Variants in SPOCK3 observed in about 807,000 individuals in gnomAD.
The protein encoded by SPOCK3 is testican-3.
SPOCK3 carries 30 observed loss-of-function variants against 56.6 expected under a neutral mutation model. That is an observed-to-expected ratio of 0.53 (90% CI 0.40 to 0.72). The LOEUF (loss-of-function observed/expected upper bound fraction) is 0.72, where lower values mean the gene tolerates loss of function less well. SPOCK3 is among the 30% of genes least tolerant of loss of function. SPOCK3 has a pLI of 0.00. For synonymous variants in SPOCK3, 196 were observed against 183.3 expected, an observed-to-expected ratio of 1.07 and a Z score of -0.56; for missense variants, 527 against 530.0, an observed-to-expected ratio of 0.99 and a Z score of 0.06.
At chr4:167,060,215 T>C (rs1211589363) in intron 3 of SPOCK3, among the ~76,000 whole-genome samples, 1 of 146,200 alleles carries the variant, frequency 6.8e-6, no homozygotes, top group African/African-American at 2.5e-5. Flanking sequence ...TATTCAGCCA[T>C]AAAAAGAATG....
At chr4:167,224,007 T>C (rs1351609058) in intron 2 of SPOCK3, among the ~76,000 whole-genome samples, 1 of 152,110 alleles carries the variant, frequency 6.6e-6, no homozygotes, top group East Asian at 1.9e-4. Flanking sequence ...GAGTACCCTA[T>C]TCATATATAA....
chr4:167,001,634 G>A lies in SPOCK3; in HGVS notation c.236-1171C>T, dbSNP rs552994522. Reference sequence around the variant, plus strand: ...CAGTGACACTTTGTTGTAATTTATTGTTGGGGGCAGACCAGAGGAGGAGTT... The same window carrying A: ...CAGTGACACTTTGTTGTAATTTATTATTGGGGGCAGACCAGAGGAGGAGTT... On this transcript the variant is annotated intron_variant, in intron 3 of 10. Transcript: ENST00000357545. 3.9e-5 allele frequency among the ~76,000 whole-genome samples: 6 copies of A among 152,156 alleles called. No homozygotes were observed. The South Asian group carries it at 1.2e-3, about 32-fold the overall frequency.
chr4:166,836,672 T>C (rs1422869781), intron 6 of SPOCK3, among the ~76,000 whole-genome samples: 1 of 152,202 alleles, frequency 6.6e-6, no homozygotes, highest in African/African-American at 2.4e-5. Context: ...TGGATTTCTG[T>C]TGAACCTGGC....
At chr4:166,943,360 T>C (rs1039572132) in intron 4 of SPOCK3, among the ~76,000 whole-genome samples, 2 of 152,176 alleles carry the variant, frequency 1.3e-5, no homozygotes, top group African/African-American at 4.8e-5. Flanking sequence ...CATTGAGCCA[T>C]GCATATCTTC....
intron 3 of SPOCK3, among the ~76,000 whole-genome samples, chr4:167,050,950 T>A (rs1350026243): frequency 6.6e-6 from 1 of 152,106 alleles, no homozygotes; most frequent in Non-Finnish European, 1.5e-5. Flanking sequence ...TCATACCCAA[T>A]AAACTGAAGA....
rs62352350 is a variant in SPOCK3 at position 166,928,869 on chromosome 4, G to A, written c.351-16126C>T. ...CGAAATCCCAGCTACTCAGGAGACT[G>A]AGGCAGGAGAATCGCTTGAACTCAG... On this transcript the variant is annotated intron_variant, in intron 4 of 10. Coordinates refer to ENST00000357545, the MANE Select transcript of SPOCK3 (RefSeq NM_001040159.2). Among the ~76,000 whole-genome samples, 512 of 152,264 alleles carry A rather than the reference G, an allele frequency of 3.4e-3. 1 individual carries two copies. The highest frequency in any genetic ancestry group is 6.8e-3 in the Middle Eastern group (2 of 294).
intron 2 of SPOCK3, among the ~76,000 whole-genome samples, chr4:167,071,044 T>C (rs902253255): frequency 4.6e-5 from 7 of 151,862 alleles, no homozygotes; most frequent in African/African-American, 1.7e-4. Context: ...ATAAAATAAA[T>C]AGTGTCAAAA....
intron 6 of SPOCK3, among the ~76,000 whole-genome samples, chr4:166,873,207 T>TAAA (rs901690340): frequency 9.2e-5 from 12 of 130,194 alleles, no homozygotes; most frequent in African/African-American, 3.1e-4. Flanking sequence ...ATGAAGAAGT[T>TAAA]AAAAAAAAAA....
intron 2 of SPOCK3, among the ~76,000 whole-genome samples, chr4:167,085,911 G>A (rs1344662679): frequency 6.6e-6 from 1 of 151,970 alleles, no homozygotes; most frequent in Non-Finnish European, 1.5e-5. Context: ...TATATTATGG[G>A]TACTTAATAA....
At chr4:167,043,715 T>C (rs1034010133) in intron 3 of SPOCK3, among the ~76,000 whole-genome samples, 21 of 152,010 alleles carry the variant, frequency 1.4e-4, no homozygotes. Flanking sequence ...TTTTCTTCTC[T>C]ATATTCTTAA....
intron 3 of SPOCK3, among the ~76,000 whole-genome samples, chr4:167,011,575 C>A (rs1750073156): frequency 1.3e-5 from 2 of 151,986 alleles, no homozygotes; most frequent in Non-Finnish European, 2.9e-5. Flanking sequence ...AAAAGTTTCC[C>A]CAGGATCAAT....
chr4:167,141,248 A>G (rs1763504591), intron 2 of SPOCK3, among the ~76,000 whole-genome samples: 1 of 152,008 alleles, frequency 6.6e-6, no homozygotes, highest in Admixed American at 6.6e-5. Flanking sequence ...GATGTTGTAC[A>G]GTCATAAAAA....
intron 6 of SPOCK3, among the ~76,000 whole-genome samples, chr4:166,813,735 T>C (rs1283711289): frequency 6.6e-6 from 1 of 151,826 alleles, no homozygotes; most frequent in Non-Finnish European, 1.5e-5. Context: ...TGAAAAAAAC[T>C]GCATGGATTT....
chr4:166,899,674 G>A (rs1467819100), intron 5 of SPOCK3, among the ~76,000 whole-genome samples: 2 of 151,722 alleles, frequency 1.3e-5, no homozygotes, highest in Non-Finnish European at 2.9e-5. Flanking sequence ...ACGCCACCAT[G>A]CCCGTCTAAT....
chr4:167,062,418 G>T, intron 3 of SPOCK3, 74 bp downstream of exon 3: 3 of 1,196,712 alleles, frequency 2.5e-6, no homozygotes, highest in Non-Finnish European at 3.6e-6. Context: ...TAACCAGACA[G>T]TAAATATCAT....
intron 2 of SPOCK3, among the ~76,000 whole-genome samples, chr4:167,081,929 TA>T: frequency 6.6e-6 from 1 of 152,062 alleles, no homozygotes; most frequent in Non-Finnish European, 1.5e-5. Context: ...CCAGCCTTCC[TA>T]ATGTCAAGCT....
At chr4:167,097,582 C>T (rs752667474) in intron 2 of SPOCK3, among the ~76,000 whole-genome samples, 2 of 151,646 alleles carry the variant, frequency 1.3e-5, no homozygotes, top group African/African-American at 2.4e-5. Flanking sequence ...TCAAGGGGTA[C>T]ATGTGCAGAT....
intron 2 of SPOCK3, among the ~76,000 whole-genome samples, chr4:167,205,309 ATATAT>A (rs1734006695): frequency 1.8e-5 from 1 of 55,358 alleles, no homozygotes; most frequent in Non-Finnish European, 3.1e-5. Context: ...AATATATATT[ATATAT>A]TTTATATATA....
chr4:166,734,656 T>C lies in SPOCK3; in HGVS notation c.*265A>G, dbSNP rs1471259852. 1 of 294,114 alleles carries C rather than the reference T, an allele frequency of 3.4e-6. No individual in the cohort carries two copies. Among genetic ancestry groups the C allele is most frequent in the Non-Finnish European group, 6.2e-6 (1 of 161,638 alleles). 18.2% of individuals were successfully genotyped at this position (294,114 alleles called of 1,614,324 possible). On this transcript the variant is annotated 3_prime_UTR_variant, in exon 11 of 11. Coordinates refer to ENST00000357545, the MANE Select transcript of SPOCK3 (RefSeq NM_001040159.2). ...AAAGTTTGTTCTCGTGAAAAACTTA[T>C]TATAGTAGCACTTCAAAACTTTATT...
Sources: allele counts gnomAD v4.1 joint callset (sites outside exome capture counted in the v4.1 genomes callset), GRCh38; gene constraint gnomAD v4.1.1; transcripts MANE v1.5; gene names NCBI Gene and HGNC (gene_info 2026-07-23, HGNC 2026-07-21).